NAALADL2: variants seen among roughly 807,000 people sequenced by gnomAD.
NAALADL2 encodes the protein N-acetylated alpha-linked acidic dipeptidase like 2.
A neutral mutation model predicts 87.2 loss-of-function variants in NAALADL2; 76 were observed. That is an observed-to-expected ratio of 0.87 (90% CI 0.72 to 1.05). The LOEUF (loss-of-function observed/expected upper bound fraction) is 1.05. Among genes scored for constraint, NAALADL2 ranks in the 50% least tolerant of loss-of-function variants. NAALADL2 has a pLI of 0.00. For synonymous variants in NAALADL2, 354 were observed against 331.0 expected (o/e 1.07, Z -0.75); for missense variants, 1,089 against 945.8 (o/e 1.15, Z -1.99).
Position 175,324,188 on chromosome 3 carries a change from A to T in NAALADL2, c.953A>T (p.Glu318Val). Reference protein sequence around the residue: ...LPLLYKLSSLEKAGFGGVLLY... With the variant: ...LPLLYKLSSLVKAGFGGVLLY... Reference sequence around the variant, plus strand: ...TCCCTCTTTTAGCTTTCCTCATTGGAAAAGGCTGGATTTGGAGGTGTTCTT... The same window carrying T: ...TCCCTCTTTTAGCTTTCCTCATTGGTAAAGGCTGGATTTGGAGGTGTTCTT... Residue 318 changes from glutamate (E) to valine (V), a missense_variant, in exon 5 of 14, where the codon GAA becomes GTA. Physicochemically the swap from Glu to Val is moderately radical, Grantham distance 121. Transcript: ENST00000454872. The T allele has an allele frequency of 6.2e-7, 1 of 1,612,692 alleles. No individual in the cohort carries two copies. Among genetic ancestry groups the T allele is most frequent in the Middle Eastern group, 1.7e-4 (1 of 6,056 alleles).
chr3:175,009,373 A>T (rs1749477975), intron 1 of NAALADL2, among the ~76,000 whole-genome samples: 1 of 152,162 alleles, frequency 6.6e-6, no homozygotes, highest in African/African-American at 2.4e-5. Flanking sequence ...CAATCATTAT[A>T]TATATTAAAA....
chr3:175,493,757 C>T (rs1259528962), intron 9 of NAALADL2, among the ~76,000 whole-genome samples: 1 of 152,112 alleles, frequency 6.6e-6, no homozygotes, highest in African/African-American at 2.4e-5. Flanking sequence ...TCTGCTAGTA[C>T]AAGTATTGTC....
At chr3:174,753,587 C>G (rs555531524) in intron 3 of NAALADL2, among the ~76,000 whole-genome samples, 4 of 152,120 alleles carry the variant, frequency 2.6e-5, no homozygotes, top group Admixed American at 2.6e-4. Context: ...GGAGACCAGA[C>G]AGCTATGCAA....
At chr3:174,969,368 C>A (rs1743300991) in intron 1 of NAALADL2, among the ~76,000 whole-genome samples, 1 of 152,038 alleles carries the variant, frequency 6.6e-6, no homozygotes, top group Admixed American at 6.6e-5. Context: ...TTAATATTTT[C>A]TATTTTTATC....
chr3:174,454,011 C>G (rs1715657610), intron 1 of NAALADL2, among the ~76,000 whole-genome samples: 1 of 152,098 alleles, frequency 6.6e-6, no homozygotes, highest in African/African-American at 2.4e-5. Flanking sequence ...GAAGACCTAT[C>G]TCAAATGCAA....
At chr3:175,267,233 T>A (rs1405633621) in intron 4 of NAALADL2, among the ~76,000 whole-genome samples, 3 of 152,076 alleles carry the variant, frequency 2.0e-5, no homozygotes, top group Non-Finnish European at 2.9e-5. Flanking sequence ...TAAGAAAATC[T>A]TATTATGAAT....
intron 3 of NAALADL2, among the ~76,000 whole-genome samples, chr3:174,784,586 T>C (rs992624245): frequency 4.6e-5 from 7 of 152,228 alleles, no homozygotes; most frequent in Non-Finnish European, 1.0e-4. Flanking sequence ...TGAAGTTAGT[T>C]ATGAGGGGAA....
intron 2 of NAALADL2, among the ~76,000 whole-genome samples, chr3:174,686,272 T>G (rs1728033829): frequency 6.6e-6 from 1 of 152,080 alleles, no homozygotes; most frequent in South Asian, 2.1e-4. Flanking sequence ...CTGAACTAAT[T>G]TACACTCCCA....
chr3:174,831,578 TTG>T (rs1226066271), intron 3 of NAALADL2, among the ~76,000 whole-genome samples: 1 of 150,812 alleles, frequency 6.6e-6, no homozygotes, highest in Non-Finnish European at 1.5e-5. Context: ...TCTTTTTTTG[TTG>T]TGTCTCTGCC....
intron 4 of NAALADL2, among the ~76,000 whole-genome samples, chr3:175,286,400 G>A (rs1754982489): frequency 6.6e-6 from 1 of 152,120 alleles, no homozygotes; most frequent in Non-Finnish European, 1.5e-5. Flanking sequence ...TGTGAACCAG[G>A]GTATTAGCAT....
At chr3:174,880,239 C>T (rs1217543424) in intron 1 of NAALADL2, among the ~76,000 whole-genome samples, 1 of 152,110 alleles carries the variant, frequency 6.6e-6, no homozygotes, top group Non-Finnish European at 1.5e-5. Flanking sequence ...ACATCTCAAA[C>T]TATGCTATAC....
rs572719724 is a variant in NAALADL2, at chr3:175,191,562, C to A, written c.546-42369C>A. Among the ~76,000 whole-genome samples the A allele has an allele frequency of 3.3e-5, 5 of 152,168 alleles. No individual in the cohort carries two copies. In the East Asian group the frequency reaches 9.6e-4, roughly 29 times the overall value. ...CACAATACTAACCCCAGAAAGCACC[C>A]CCTGAATGATATATTTGTGAGAAAT... On this transcript the variant is annotated intron_variant, in intron 2 of 13. Coordinates refer to ENST00000454872, the MANE Select transcript of NAALADL2 (RefSeq NM_207015.3).
intron 1 of NAALADL2, among the ~76,000 whole-genome samples, chr3:174,877,344 GATTA>G (rs555585835): frequency 1.4e-3 from 218 of 152,196 alleles, no homozygotes; most frequent in African/African-American, 4.0e-3. Context: ...TATCCTTAGG[GATTA>G]ATTAAAGTGA....
intron 1 of NAALADL2, among the ~76,000 whole-genome samples, chr3:175,018,723 T>G (rs1298447550): frequency 6.6e-6 from 1 of 152,062 alleles, no homozygotes; most frequent in Admixed American, 6.6e-5. Context: ...TCTGTGGTCT[T>G]CCATGTAAAT....
At chr3:174,544,760 G>T (rs1722580853) in intron 1 of NAALADL2, among the ~76,000 whole-genome samples, 1 of 151,190 alleles carries the variant, frequency 6.6e-6, no homozygotes, top group Admixed American at 6.6e-5. Context: ...TAGTAGAGAT[G>T]GAGTTTCACC....
intron 10 of NAALADL2, among the ~76,000 whole-genome samples, chr3:175,606,753 T>C (rs1399748676): frequency 6.6e-6 from 1 of 152,144 alleles, no homozygotes; most frequent in Non-Finnish European, 1.5e-5. Context: ...AAACCTAGCA[T>C]ACTTCTGTTC....
rs185034433 is a variant in NAALADL2 at position 174,902,839 on chromosome 3, C to T, written c.43+43389C>T. ...ATTATCTGAGATATAGATGGAGCTTCTGAGAAATACATGCTTGGGAAATGT... is the reference window on the plus strand; with the variant it reads ...ATTATCTGAGATATAGATGGAGCTTTTGAGAAATACATGCTTGGGAAATGT... On this transcript the variant is annotated intron_variant, in intron 1 of 13. Coordinates refer to ENST00000454872, the MANE Select transcript of NAALADL2 (RefSeq NM_207015.3). 5.3e-3 allele frequency among the ~76,000 whole-genome samples: 803 copies of T among 152,174 alleles called. 22 individuals are homozygous for T. Among genetic ancestry groups the T allele is most frequent in the East Asian group, 3.7e-3 (19 of 5,168 alleles).
At position 175,687,776 on chromosome 3, in the gene NAALADL2, ATTC is replaced by A. The variant is rs373949722; in HGVS notation, c.1897-49527_1897-49525del. Among the ~76,000 whole-genome samples, 19 of 152,250 alleles carry A rather than the reference ATTC, an allele frequency of 1.2e-4. No homozygotes were observed. The East Asian group carries it at 2.1e-3, about 17-fold the overall frequency. On this transcript the variant is annotated intron_variant, in intron 11 of 13. Coordinates refer to ENST00000454872, the MANE Select transcript of NAALADL2 (RefSeq NM_207015.3). Reference sequence around the variant, plus strand: ...GTGCCGTCCTTGTGATAGTGAGTTCATTCTTTCTCTGAGTTCTCAGGAAATCTA... The same window carrying A: ...GTGCCGTCCTTGTGATAGTGAGTTCATTTCTCTGAGTTCTCAGGAAATCTA...
chr3:174,541,798 G>A (rs969317567), intron 1 of NAALADL2, among the ~76,000 whole-genome samples: 1 of 152,192 alleles, frequency 6.6e-6, no homozygotes, highest in African/African-American at 2.4e-5. Flanking sequence ...TAAAGACACT[G>A]CTGATGATGC....
Sources: allele counts gnomAD v4.1 joint callset (sites outside exome capture counted in the v4.1 genomes callset), GRCh38; gene constraint gnomAD v4.1.1; transcripts MANE v1.5; gene names NCBI Gene and HGNC (gene_info 2026-07-23, HGNC 2026-07-21).